Variants in GRIA1 observed in about 807,000 individuals in gnomAD.
GRIA1 encodes glutamate ionotropic receptor AMPA type subunit 1, also known as glutamate receptor 1.
Under a neutral mutation model 99.2 loss-of-function variants are expected in GRIA1, and 31 were observed. That is an observed-to-expected ratio of 0.31 (90% confidence interval 0.23 to 0.42). The LOEUF (loss-of-function observed/expected upper bound fraction) is 0.42. Ranked by LOEUF, GRIA1 falls within the 10% of genes least tolerant of loss-of-function variation. The pLI, the probability that GRIA1 is intolerant of heterozygous loss-of-function variation, is 1.00. For missense variants in GRIA1, 782 were observed against 1,157.5 expected (o/e 0.68, Z 4.71); for synonymous variants, 438 against 432.4 (o/e 1.01, Z -0.16).
intron 2 of GRIA1, among the ~76,000 whole-genome samples, chr5:153,592,990 G>T (rs1283229379): frequency 5.3e-5 from 8 of 152,180 alleles, no homozygotes; most frequent in Non-Finnish European, 1.5e-5. Flanking sequence ...TAACTGCCAG[G>T]CGCAGTGGCT....
At chr5:153,700,254 G>A (rs1007322516) in intron 10 of GRIA1, among the ~76,000 whole-genome samples, 13 of 151,994 alleles carry the variant, frequency 8.6e-5, no homozygotes, top group East Asian at 1.9e-4. Flanking sequence ...ACATGGTGGC[G>A]GGCACCTGTA....
intron 11 of GRIA1, among the ~76,000 whole-genome samples, chr5:153,712,064 T>A (rs555410181): frequency 1.3e-5 from 2 of 152,238 alleles, no homozygotes; most frequent in African/African-American, 2.4e-5. Context: ...TTATTTATTT[T>A]TTCCAAGACC....
chr5:153,638,814 G>T lies in GRIA1; in HGVS notation c.221-8114G>T, dbSNP rs6863676. 1.9e-3 allele frequency among the ~76,000 whole-genome samples: 287 copies of T among 152,328 alleles called. 2 individuals are homozygous for T. The highest frequency in any genetic ancestry group is 6.6e-3 in the African/African-American group (275 of 41,562). On this transcript the variant is annotated intron_variant, in intron 2 of 15. Transcript: ENST00000285900. ...CACACATTTTTATGTACATTTAAAA[G>T]ATGGGTGGAGACTTTCAGTTTATAG...
intron 11 of GRIA1, among the ~76,000 whole-genome samples, chr5:153,745,301 A>ATAAT (rs566573443): frequency 1.3e-5 from 2 of 151,010 alleles, no homozygotes; most frequent in East Asian, 2.0e-4. Context: ...CAAAAAAAAA[A>ATAAT]AATAGACTGG....
intron 2 of GRIA1, among the ~76,000 whole-genome samples, chr5:153,518,371 C>A (rs1028623797): frequency 6.6e-6 from 1 of 152,130 alleles, no homozygotes; most frequent in East Asian, 1.9e-4. Context: ...TGTGTCTAGT[C>A]TGGGGTTAGC....
chr5:153,776,741 G>A (rs932754926), intron 13 of GRIA1, among the ~76,000 whole-genome samples: 2 of 152,200 alleles, frequency 1.3e-5, no homozygotes, highest in African/African-American at 4.8e-5. Flanking sequence ...CTAAAGAAAA[G>A]GAGGGTGGTT....
At chr5:153,673,400 A>C (rs1442595185) in intron 5 of GRIA1, among the ~76,000 whole-genome samples, 1 of 152,232 alleles carries the variant, frequency 6.6e-6, no homozygotes, top group African/African-American at 2.4e-5. Flanking sequence ...ACTATGCTGC[A>C]TATTTACTTG....
rs541447235 is a variant in GRIA1, at chr5:153,583,956, C to G, written c.221-62972C>G. On this transcript the variant is annotated intron_variant, in intron 2 of 15. Transcript: ENST00000285900. ...TTTGGAGTCTGGACCTGGTGATGCT[C>G]TCACTGGTCTCCAAGGACCAGCATT... 5.9e-5 allele frequency among the ~76,000 whole-genome samples: 9 copies of G among 152,312 alleles called. No individual in the cohort carries two copies. In the East Asian group the frequency reaches 1.7e-3, roughly 29 times the overall value.
intron 2 of GRIA1, among the ~76,000 whole-genome samples, chr5:153,499,403 C>G (rs1754748751): frequency 6.6e-6 from 1 of 151,840 alleles, no homozygotes; most frequent in Admixed American, 6.6e-5. Context: ...ATCATGAGGT[C>G]AGGAGATTGA....
At chr5:153,789,311 G>C (rs1014101692) in intron 13 of GRIA1, among the ~76,000 whole-genome samples, 13 of 129,270 alleles carry the variant, frequency 1.0e-4, no homozygotes, top group African/African-American at 3.5e-4. Context: ...TACCTCTTTT[G>C]ATATTACATA....
At chr5:153,752,544 G>T (rs1581597222) in intron 11 of GRIA1, among the ~76,000 whole-genome samples, 1 of 152,132 alleles carries the variant, frequency 6.6e-6, no homozygotes, top group African/African-American at 2.4e-5. Context: ...GAAATCCATG[G>T]TGTCTAACAT....
rs1754177388 is a variant in GRIA1, at chr5:153,493,989, A to G, written c.144A>G (p.Gln48=). ...EHAAFRFALS[Q]LTEPPKLLPQ... ...CTGCTTTTAGATTTGCTTTGTCGCA[A>G]CTCACAGAGCCCCCGAAGCTGCTCC... The change falls in exon 2 of 16, where the codon CAA becomes CAG. Residue 48 remains glutamine (Q), a synonymous_variant. Coordinates refer to ENST00000285900, the MANE Select transcript of GRIA1 (RefSeq NM_000827.4). 6.2e-7 allele frequency: 1 copy of G among 1,613,920 alleles called. No homozygotes were observed. The highest frequency in any genetic ancestry group is 8.5e-7 in the Non-Finnish European group (1 of 1,179,950).
chr5:153,587,095 C>T (rs930887709), intron 2 of GRIA1, among the ~76,000 whole-genome samples: 1 of 152,132 alleles, frequency 6.6e-6, no homozygotes, highest in Non-Finnish European at 1.5e-5. Context: ...GATGTTTGCT[C>T]CCACCCAAAT....
At chr5:153,517,293 A>C (rs1300288160) in intron 2 of GRIA1, among the ~76,000 whole-genome samples, 1 of 151,838 alleles carries the variant, frequency 6.6e-6, no homozygotes, top group African/African-American at 2.4e-5. Context: ...GCATGGCTTT[A>C]TTTTTTCATC....
At chr5:153,506,259 C>T (rs1755480691) in intron 2 of GRIA1, among the ~76,000 whole-genome samples, 1 of 150,736 alleles carries the variant, frequency 6.6e-6, no homozygotes, top group Non-Finnish European at 1.5e-5. Flanking sequence ...ATTGGCTATA[C>T]TTCTTGGCTT....
chr5:153,596,341 C>T (rs530766200), intron 2 of GRIA1, among the ~76,000 whole-genome samples: 32 of 152,268 alleles, frequency 2.1e-4, no homozygotes, highest in African/African-American at 6.7e-4. Flanking sequence ...ATTTGGTTTT[C>T]GGCTCTGTCC....
intron 2 of GRIA1, among the ~76,000 whole-genome samples, chr5:153,551,924 A>T (rs1760180451): frequency 6.6e-6 from 1 of 152,148 alleles, no homozygotes; most frequent in African/African-American, 2.4e-5. Flanking sequence ...AGTCACCCTA[A>T]TTCCTTCAAG....
chr5:153,644,470 T>C (rs770727906), intron 2 of GRIA1, among the ~76,000 whole-genome samples: 1 of 152,174 alleles, frequency 6.6e-6, no homozygotes, highest in Non-Finnish European at 1.5e-5. Context: ...TATGCCCTCA[T>C]CAAGCACTCA....
At chr5:153,727,215 A>C (rs891405741) in intron 11 of GRIA1, among the ~76,000 whole-genome samples, 2 of 152,264 alleles carry the variant, frequency 1.3e-5, no homozygotes, top group African/African-American at 4.8e-5. Context: ...TCAATAAATT[A>C]GGTATTGATG....
Sources: allele counts gnomAD v4.1 joint callset (sites outside exome capture counted in the v4.1 genomes callset), GRCh38; gene constraint gnomAD v4.1.1; transcripts MANE v1.5; gene names NCBI Gene and HGNC (gene_info 2026-07-23, HGNC 2026-07-21).